The following EAF1 variants were observed in gnomAD, a reference collection of about 807,000 sequenced individuals.
EAF1 encodes the protein ELL associated factor 1, also known as ELL-associated factor 1.
In EAF1, 19 loss-of-function variants were observed where a neutral mutation model predicts 26.6. The observed-to-expected ratio is 0.71, with a 90% confidence interval of 0.50 to 1.05. The LOEUF is 1.05. EAF1 is among the 50% of genes least tolerant of loss of function. EAF1 has a pLI of 0.00. For synonymous variants in EAF1, 102 were observed against 120.6 expected (o/e 0.85, Z 1.01); for missense variants, 260 against 335.5 (o/e 0.78, Z 1.76).
chr3:15,432,617 G>A (rs1004888435), intron 3 of EAF1, among the ~76,000 whole-genome samples: 1 of 152,044 alleles, frequency 6.6e-6, no homozygotes, highest in African/African-American at 2.4e-5. Context: ...AGATACATTT[G>A]AGATTACTAT....
chr3:15,431,379 AG>A (rs891114769), intron 2 of EAF1, among the ~76,000 whole-genome samples: 8 of 152,338 alleles, frequency 5.3e-5, no homozygotes, highest in African/African-American at 1.9e-4. Context: ...GAGAGGGGGC[AG>A]GATATAGCTG....
Position 15,439,155 on chromosome 3 carries a change from G to A in EAF1, c.807G>A (p.Ter269=). The change falls in exon 6 of 6, where the codon TAG becomes TAA. Residue 269 remains the stop codon, a stop_retained_variant. Transcript: ENST00000396842. ...LSESGSDSDD[*] is the part of the protein sequence containing the mutation. ...AGTCTGGCAGTGACAGTGATGACTAGTGCTGGATCTTTCGAAACCTACTTT... is the reference window on the plus strand; with the variant it reads ...AGTCTGGCAGTGACAGTGATGACTAATGCTGGATCTTTCGAAACCTACTTT... 2 of 1,612,534 alleles carry A rather than the reference G, an allele frequency of 1.2e-6. No homozygotes were observed. Among genetic ancestry groups the A allele is most frequent in the Non-Finnish European group, 1.7e-6 (2 of 1,179,378 alleles).
Position 15,436,512 on chromosome 3 carries a change from A to G in EAF1, c.697A>G (p.Arg233Gly), listed in dbSNP as rs1012770914. 1.4e-5 allele frequency: 22 copies of G among 1,597,652 alleles called. No homozygotes were observed. Among genetic ancestry groups the G allele is most frequent in the Non-Finnish European group, 1.7e-5 (20 of 1,166,200 alleles). ...TTCACACCAGCAGCCCTACAACAGT[A>G]GGCCTGCCGTTGCCAATGGAACCAG... The part of the protein sequence containing the change: ...QPSHQQPYNS[R>G]PAVANGTSRP... Residue 233 changes from arginine to glycine, a missense_variant, in exon 5 of 6, where the codon AGG becomes GGG. Physicochemically the swap from Arg to Gly is moderately radical, Grantham distance 125. Coordinates refer to ENST00000396842, the MANE Select transcript of EAF1 (RefSeq NM_033083.7).
chr3:15,437,068 G>C (rs1468355510), intron 5 of EAF1, among the ~76,000 whole-genome samples: 1 of 152,060 alleles, frequency 6.6e-6, no homozygotes, highest in East Asian at 1.9e-4. Context: ...GCTAATTTTT[G>C]TATTTTTAGT....
Position 15,427,614 on chromosome 3 carries a change from C to G in EAF1, c.-166C>G, listed in dbSNP as rs1034125193. ...CTCAGATTCCTCTCTCACCCCCACG[C>G]AGAGGAGAGAACTTGCTTCTGGACC... On this transcript the variant is annotated 5_prime_UTR_variant, in exon 1 of 6. Coordinates refer to ENST00000396842, the MANE Select transcript of EAF1 (RefSeq NM_033083.7). 1.1e-5 allele frequency: 7 copies of G among 647,032 alleles called. No individual in the cohort carries two copies. In the Admixed American group the frequency reaches 1.6e-4, roughly 15 times the overall value. 40.1% of individuals were successfully genotyped at this position (647,032 alleles called of 1,614,324 possible). A position where few individuals can be genotyped will look rare whatever the true frequency, so the allele number is the denominator to read the frequency against.
chr3:15,436,778 C>G, intron 5 of EAF1: 1 of 459,048 alleles, frequency 2.2e-6, no homozygotes. Flanking sequence ...TTTCTATTCC[C>G]CACTGGCTCA....
Position 15,427,691 on chromosome 3 carries a change from G to C in EAF1, c.-89G>C, listed in dbSNP as rs1488171167. 1 of 1,376,104 alleles carries C rather than the reference G, an allele frequency of 7.3e-7. No individual in the cohort carries two copies. Among genetic ancestry groups the C allele is most frequent in the Non-Finnish European group, 1.0e-6 (1 of 993,366 alleles). 85.2% of individuals were successfully genotyped at this position (1,376,104 alleles called of 1,614,324 possible). A position where few individuals can be genotyped will look rare whatever the true frequency, so the allele number is the denominator to read the frequency against. ...TGTCTTCCAGAGCGGTGGCCCGGAA[G>C]CACAGTCCTCCCAGACGCCAGCGCC... On this transcript the variant is annotated 5_prime_UTR_variant, in exon 1 of 6. Transcript: ENST00000396842.
chr3:15,435,030 A>C (rs2061826513), intron 4 of EAF1, among the ~76,000 whole-genome samples: 1 of 152,178 alleles, frequency 6.6e-6, no homozygotes, highest in South Asian at 2.1e-4. Context: ...GTGTGCTATG[A>C]TCGTGCCTGT....
Position 15,429,937 on chromosome 3 carries a change from A to T in EAF1, c.128A>T (p.Asp43Val). The T allele has an allele frequency of 6.2e-7, 1 of 1,613,508 alleles. No homozygotes were observed. The highest frequency in any genetic ancestry group is 8.5e-7 in the Non-Finnish European group (1 of 1,179,752). ...IRYDFKPASI[D>V]TSCEGELQVG... The stretch of plus-strand genomic sequence containing the variant: ...GATGATTTTAAACCAGCATCTATAG[A>T]CACTTCCTGTGAAGGAGAGCTTCAA... Residue 43 changes from aspartate to valine, a missense_variant, in exon 2 of 6, where the codon GAC (aspartate) becomes GTC (valine). Coordinates refer to ENST00000396842, the MANE Select transcript of EAF1 (RefSeq NM_033083.7).
chr3:15,429,860 A>G (rs1160750227), intron 1 of EAF1, 53 bp from the exon 2 acceptor site: 2 of 1,112,874 alleles, frequency 1.8e-6, no homozygotes, highest in African/African-American at 3.1e-5. Flanking sequence ...TGCCCAGGAA[A>G]CCCTTATTAT....
In EAF1 at chr3:15,432,074, T is replaced by C. The variant is rs1428266209; in HGVS notation, c.199-13T>C. 5.6e-6 allele frequency: 9 copies of C among 1,612,114 alleles called. No individual in the cohort carries two copies. Among genetic ancestry groups the C allele is most frequent in the Non-Finnish European group, 7.6e-6 (9 of 1,179,360 alleles). On this transcript the variant is annotated splice_polypyrimidine_tract_variant and intron_variant, in intron 2 of 5. Coordinates refer to ENST00000396842, the MANE Select transcript of EAF1 (RefSeq NM_033083.7). ...TGTTTAGTTTGATCATCTTATACTT[T>C]TGTGGCAAATAGGGATCCACACCAC...
intron 4 of EAF1, among the ~76,000 whole-genome samples, chr3:15,435,438 C>T (rs906258817): frequency 1.3e-5 from 2 of 151,760 alleles, no homozygotes; most frequent in African/African-American, 4.8e-5. Flanking sequence ...AGAACGGCTG[C>T]AGACATCACT....
intron 2 of EAF1, 37 bp from the exon 3 acceptor site, chr3:15,432,050 G>A (rs1433422360): frequency 3.1e-6 from 5 of 1,604,394 alleles, no homozygotes; most frequent in Admixed American, 1.7e-5. Context: ...TAACTGGTAT[G>A]TTTAGTTTGA....
At position 15,434,511 on chromosome 3, in the gene EAF1, G is replaced by A. The variant is rs1559505398; in HGVS notation, c.499G>A (p.Glu167Lys). ...TSPLKDNPSP[E>K]PQLDDIKREL... ...TCCCTTGAAAGATAACCCCTCACCTGAACCTCAGTTGGATGACATCAAAAG... is the reference window on the plus strand; with the variant it reads ...TCCCTTGAAAGATAACCCCTCACCTAAACCTCAGTTGGATGACATCAAAAG... The change falls in exon 4 of 6, where the codon GAA becomes AAA. Residue 167 changes from glutamate (E) to lysine (K), a missense_variant. Coordinates refer to ENST00000396842, the MANE Select transcript of EAF1 (RefSeq NM_033083.7). The A allele has an allele frequency of 1.2e-6, 2 of 1,614,014 alleles. No homozygotes were observed. Among genetic ancestry groups the A allele is most frequent in the Non-Finnish European group, 1.7e-6 (2 of 1,180,026 alleles).
rs773241908 is a variant in EAF1 at position 15,434,406 on chromosome 3, C to T, written c.394C>T (p.Gln132Ter). 5.3e-5 allele frequency: 86 copies of T among 1,614,136 alleles called. No homozygotes were observed. Among genetic ancestry groups the T allele is most frequent in the Non-Finnish European group, 6.9e-5 (82 of 1,180,056 alleles). ...RMEQQPTRPP[Q>*]TSQPPPPPPP... Reference sequence around the variant, plus strand: ...GGAACAGCAGCCCACTCGTCCTCCACAGACGTCACAGCCACCACCACCTCC... The same window carrying T: ...GGAACAGCAGCCCACTCGTCCTCCATAGACGTCACAGCCACCACCACCTCC... The change falls in exon 4 of 6, where the codon CAG becomes TAG. Residue 132 changes from glutamine to a stop codon, truncating the protein, a stop_gained. Transcript: ENST00000396842. LOFTEE classifies it high-confidence loss of function.
At position 15,427,768 on chromosome 3, in the gene EAF1, A is replaced by T; in HGVS notation, c.-12A>T. The T allele has an allele frequency of 1.3e-6, 2 of 1,550,102 alleles. No individual in the cohort carries two copies. The highest frequency in any genetic ancestry group is 2.7e-5 in the African/African-American group (2 of 73,114). On this transcript the variant is annotated 5_prime_UTR_variant, in exon 1 of 6. Transcript: ENST00000396842. ...GAGAGCGCCGATCTGGGTGCGAGGC[A>T]GGTGCGGGGCCATGAATGGGACCGC...
intron 4 of EAF1, among the ~76,000 whole-genome samples, chr3:15,434,943 AC>A (rs2061825964): frequency 6.6e-6 from 1 of 152,200 alleles, no homozygotes; most frequent in South Asian, 2.1e-4. Flanking sequence ...GGAGGAGCTG[AC>A]CATGGTGCTG....
chr3:15,435,959 A>G (rs1396113018), intron 4 of EAF1, among the ~76,000 whole-genome samples: 1 of 152,212 alleles, frequency 6.6e-6, no homozygotes, highest in Non-Finnish European at 1.5e-5. Flanking sequence ...AATATTTTTC[A>G]ACCACTTTAC....
intron 2 of EAF1, 118 bp from the exon 3 acceptor site, chr3:15,431,969 C>A: frequency 8.3e-7 from 1 of 1,199,224 alleles, no homozygotes; most frequent in African/African-American, 1.6e-5. Flanking sequence ...TCAGTTCAAC[C>A]TGTTCTTTTT....
Sources: gnomAD v4.1 joint callset for allele counts (sites outside exome capture counted in the v4.1 genomes callset) on GRCh38, gnomAD v4.1.1 for gene constraint, MANE v1.5 for transcripts, NCBI Gene and HGNC (gene_info 2026-07-23, HGNC 2026-07-21) for gene names.